C5orf22: variants seen among roughly 807,000 people sequenced by gnomAD.
C5orf22 encodes the protein chromosome 5 open reading frame 22.
Under a neutral mutation model 48.7 loss-of-function variants are expected in C5orf22, and 36 were observed. The observed-to-expected ratio is 0.74, with a 90% CI of 0.57 to 0.98. The LOEUF (loss-of-function observed/expected upper bound fraction) is 0.98, where lower values mean the gene tolerates loss of function less well. Ranked by LOEUF, C5orf22 falls within the 50% of genes least tolerant of loss-of-function variation. The pLI is 0.00. For missense variants in C5orf22, 486 were observed against 521.9 expected (o/e 0.93, Z 0.67); for synonymous variants, 141 against 180.8 (o/e 0.78, Z 1.76).
Position 31,538,301 on chromosome 5 carries a change from A to G in C5orf22, c.419A>G (p.Tyr140Cys). Residue 140 changes from tyrosine (Y) to cysteine (C), a missense_variant, in exon 4 of 9, where the codon TAT (tyrosine) becomes TGT (cysteine). This residue lies in a region of C5orf22 where 408 missense variants were observed against 444.0 expected (regional missense o/e 0.92). Coordinates refer to ENST00000325366, the MANE Select transcript of C5orf22 (RefSeq NM_018356.3). The part of the protein sequence containing the change: ...TDHYFLSDGL[Y>C]VPEDQLENQK... ...CATTATTTCCTAAGTGATGGTCTGT[A>G]TGTACCTGAAGACCAGCTAGAGAAC... The G allele has an allele frequency of 6.2e-7, 1 of 1,613,748 alleles. No homozygotes were observed. The highest frequency in any genetic ancestry group is 1.1e-5 in the South Asian group (1 of 91,058).
Position 31,538,371 on chromosome 5 carries a change from ACT to A in C5orf22, c.492_493del (p.Cys165Ter), listed in dbSNP as rs1375795217. The A allele has an allele frequency of 1.2e-6, 2 of 1,614,180 alleles. No homozygotes were observed. The highest frequency in any genetic ancestry group is 3.3e-5 in the Admixed American group (2 of 60,020). On this transcript the variant is annotated frameshift_variant, in exon 4 of 9. Transcript: ENST00000325366. LOFTEE classifies it high-confidence loss of function. The stretch of plus-strand genomic sequence containing the variant: ...ATGTAATTATGGTAAAACCTTATAA[ACT>A]CTGTAACAATCAAGAAGAAAACGAT... ...LDVIMVKPYK[L>X]CNNQEENDAV... is the part of the protein sequence containing the mutation.
intron 7 of C5orf22, among the ~76,000 whole-genome samples, chr5:31,547,230 G>C (rs1416280230): frequency 1.3e-5 from 2 of 152,276 alleles, no homozygotes; most frequent in South Asian, 4.1e-4. Flanking sequence ...GCTGATGCAA[G>C]AGGTGGGTTC....
chr5:31,535,709 A>C (rs1369050742), intron 2 of C5orf22, 35 bp from the exon 3 acceptor site: 1 of 1,500,640 alleles, frequency 6.7e-7, no homozygotes, highest in South Asian at 1.3e-5. Flanking sequence ...AATAAAAATA[A>C]AAGTTTTAAT....
At chr5:31,538,729 G>A (rs758550264) in intron 4 of C5orf22, 40 bp downstream of exon 4, 47 of 1,463,352 alleles carry the variant, frequency 3.2e-5, no homozygotes, top group Non-Finnish European at 4.2e-5. Flanking sequence ...CTTGAGAATT[G>A]TATGGCTTTT....
intron 6 of C5orf22, among the ~76,000 whole-genome samples, chr5:31,543,240 T>A (rs972165688): frequency 4.6e-5 from 7 of 152,230 alleles, no homozygotes; most frequent in African/African-American, 1.7e-4. Context: ...ACAGTAATAT[T>A]AATCACATCA....
chr5:31,553,740 T>C lies in C5orf22; in HGVS notation c.*838T>C, dbSNP rs1259034976. Reference sequence around the variant, plus strand: ...TCTTGCCAAATGCTCTCCAGCATTGTTGGTATCAAGGTGGTCTGGTTGAGT... The same window carrying C: ...TCTTGCCAAATGCTCTCCAGCATTGCTGGTATCAAGGTGGTCTGGTTGAGT... On this transcript the variant is annotated 3_prime_UTR_variant, in exon 9 of 9. Coordinates refer to ENST00000325366, the MANE Select transcript of C5orf22 (RefSeq NM_018356.3). The C allele has an allele frequency of 6.6e-6, 1 of 152,218 alleles. No homozygotes were observed. Among genetic ancestry groups the C allele is most frequent in the Non-Finnish European group, 1.5e-5 (1 of 68,040 alleles). The allele number at this position is 152,218 out of a possible 1,614,324, so 9.4% of individuals were successfully genotyped here.
At chr5:31,540,275 ACCT>A (rs1742373432) in intron 4 of C5orf22, among the ~76,000 whole-genome samples, 1 of 152,186 alleles carries the variant, frequency 6.6e-6, no homozygotes, top group African/African-American at 2.4e-5. Context: ...CTTGGGTATA[ACCT>A]TTTCCTGAGA....
intron 5 of C5orf22, 94 bp downstream of exon 5, chr5:31,541,105 AGTGTGTGTGTGTGTGTGTGTGT>A (rs35650579): frequency 1.5e-5 from 10 of 677,202 alleles, no homozygotes; most frequent in African/African-American, 5.6e-5. Context: ...GACTGCTCAA[AGTGTGTGTGTGTGTGTGTGTGT>A]GTGTGTGTGT....
intron 6 of C5orf22, among the ~76,000 whole-genome samples, chr5:31,544,974 A>T (rs1742758393): frequency 7.0e-6 from 1 of 142,564 alleles, no homozygotes; most frequent in African/African-American, 2.6e-5. Flanking sequence ...CGTGTCCTTA[A>T]TTTTTTTTTT....
intron 8 of C5orf22, among the ~76,000 whole-genome samples, chr5:31,551,969 T>G (rs1352526049): frequency 6.6e-6 from 1 of 152,348 alleles, no homozygotes; most frequent in East Asian, 1.9e-4. Flanking sequence ...CTCTTTAGGT[T>G]TGAAATACTT....
Position 31,551,765 on chromosome 5 carries a change from A to G in C5orf22, c.1199+333A>G, listed in dbSNP as rs543782523. ...AGATTATCCCTGGGATCTTACAAAA[A>G]GAATGCAGCCCTGTCAGCACCTTTA... On this transcript the variant is annotated intron_variant, in intron 8 of 8. Coordinates refer to ENST00000325366, the MANE Select transcript of C5orf22 (RefSeq NM_018356.3). 2.6e-5 allele frequency among the ~76,000 whole-genome samples: 4 copies of G among 152,216 alleles called. No individual in the cohort carries two copies. In the South Asian group the frequency reaches 8.3e-4, roughly 32 times the overall value.
At position 31,552,868 on chromosome 5, in the gene C5orf22, T is replaced by G. The variant is rs1052480710; in HGVS notation, c.1295T>G (p.Leu432Arg). ...CGTGCCCTCTATGGAAATCTAGACC[T>G]CCAAGTGTATGCAGCAGAGTCTCCT... ...MLRALYGNLD[L>R]QVYAAESPPS The change falls in exon 9 of 9, where the codon CTC becomes CGC. Residue 432 changes from leucine to arginine, a missense_variant. By Grantham distance (102) the Leu-to-Arg change is moderately radical. Around this residue, in one of 3 missense-constraint regions of C5orf22, gnomAD observed 408 missense variants for 444.0 expected, o/e 0.92. Coordinates refer to ENST00000325366, the MANE Select transcript of C5orf22 (RefSeq NM_018356.3). 1.9e-6 allele frequency: 3 copies of G among 1,613,834 alleles called. No individual in the cohort carries two copies. The highest frequency in any genetic ancestry group is 1.7e-6 in the Non-Finnish European group (2 of 1,179,778).
chr5:31,546,192 T>A (rs1176805936), intron 7 of C5orf22, among the ~76,000 whole-genome samples: 1 of 152,250 alleles, frequency 6.6e-6, no homozygotes, highest in Non-Finnish European at 1.5e-5. Flanking sequence ...GGTATCTGAA[T>A]GCTATGGCCA....
intron 7 of C5orf22, among the ~76,000 whole-genome samples, chr5:31,548,887 AAG>A (rs1743063622): frequency 6.6e-6 from 1 of 152,158 alleles, no homozygotes; most frequent in Non-Finnish European, 1.5e-5. Flanking sequence ...AGCAGACAAG[AAG>A]AGAGAGCTTG....
rs1201628329 is a variant in C5orf22 at position 31,553,452 on chromosome 5, CTCTA to C, written c.*554_*557del. 2.6e-5 allele frequency: 4 copies of C among 151,314 alleles called. No individual in the cohort carries two copies. The highest frequency in any genetic ancestry group is 2.1e-4 in the South Asian group (1 of 4,770). 9.4% of individuals were successfully genotyped at this position (151,314 alleles called of 1,614,324 possible). On this transcript the variant is annotated 3_prime_UTR_variant, in exon 9 of 9. Transcript: ENST00000325366. ...CATGGCTTTATAGGAAAGTAACATT[CTCTA>C]TCTTTTTTTTTTTTTTTAATTTTAT...
In C5orf22 at chr5:31,532,401, C is replaced by G. The variant is rs757695053; in HGVS notation, c.9C>G (p.Asp3Glu). 6.2e-7 allele frequency: 1 copy of G among 1,613,998 alleles called. No homozygotes were observed. Among genetic ancestry groups the G allele is most frequent in the Admixed American group, 1.7e-5 (1 of 60,016 alleles). ...CTGACGGGCGCAAAAACATGAGTGACTCCGCGGGAGGGCGCGCTGGTCTCC... is the reference window on the plus strand; with the variant it reads ...CTGACGGGCGCAAAAACATGAGTGAGTCCGCGGGAGGGCGCGCTGGTCTCC... MS[D>E]SAGGRAGLRR... The change falls in exon 1 of 9, where the codon GAC becomes GAG. Residue 3 changes from aspartate to glutamate, a missense_variant. Asp to Glu is a conservative substitution (Grantham distance 45). This residue lies in a region of C5orf22 where 74 missense variants were observed against 61.2 expected (regional missense o/e 1.21). Transcript: ENST00000325366.
chr5:31,541,151 T>C lies in C5orf22; in HGVS notation c.871-130T>C, dbSNP rs1742437068. ...GTGTGTGTGTGTGTGTGTGTGTGTATTGGCGAAGCCCATGGTTAGTACTTG... is the reference window on the plus strand; with the variant it reads ...GTGTGTGTGTGTGTGTGTGTGTGTACTGGCGAAGCCCATGGTTAGTACTTG... On this transcript the variant is annotated intron_variant, in intron 5 of 8. Transcript: ENST00000325366. 12 of 1,017,650 alleles carry C rather than the reference T, an allele frequency of 1.2e-5. No homozygotes were observed. In the Admixed American group the frequency reaches 2.5e-4, roughly 21 times the overall value. 63.0% of individuals were successfully genotyped at this position (1,017,650 alleles called of 1,614,324 possible). A position where few individuals can be genotyped will look rare whatever the true frequency, so the allele number is the denominator to read the frequency against.
Position 31,541,301 on chromosome 5 carries a change from TGA to T in C5orf22, c.892_893del (p.Asp298TyrfsTer15). ...TAAAGGAAGATTTGGTAGATATTGT[TGA>T]TACTCGAATTCATCAATTAGAGGAT... Reference protein sequence around the residue: ...LTEEDLVDIVDTRIHQLEDLE... With the variant: ...LTEEDLVDIVXTRIHQLEDLE... On this transcript the variant is annotated frameshift_variant, in exon 6 of 9. Transcript: ENST00000325366. LOFTEE classifies it high-confidence loss of function. 6.2e-7 allele frequency: 1 copy of T among 1,611,300 alleles called. No homozygotes were observed. Among genetic ancestry groups the T allele is most frequent in the Non-Finnish European group, 8.5e-7 (1 of 1,177,408 alleles).
At chr5:31,534,998 A>T (rs1308372691) in intron 2 of C5orf22, 3 of 454,774 alleles carry the variant, frequency 6.6e-6, no homozygotes, top group Non-Finnish European at 1.3e-5. Flanking sequence ...CATTTAGTCC[A>T]TTGCCATATG....
Sources: allele counts gnomAD v4.1 joint callset (sites outside exome capture counted in the v4.1 genomes callset), GRCh38; gene constraint gnomAD v4.1.1; regional missense constraint gnomAD v4.1.1; transcripts MANE v1.5; gene names NCBI Gene and HGNC (gene_info 2026-07-23, HGNC 2026-07-21).